CACNA2D3: variants seen among roughly 807,000 people sequenced by gnomAD.
CACNA2D3 encodes the protein voltage-dependent calcium channel subunit alpha-2/delta-3.
In CACNA2D3, 60 loss-of-function variants were observed where a neutral mutation model predicts 160.6. The observed-to-expected ratio is 0.37, with a 90% CI of 0.30 to 0.46. The LOEUF (loss-of-function observed/expected upper bound fraction) is 0.46, where lower values mean the gene tolerates loss of function less well. Ranked by LOEUF, CACNA2D3 falls within the 20% of genes least tolerant of loss-of-function variation. The pLI, the probability that CACNA2D3 is intolerant of heterozygous loss-of-function variation, is 1.00. For missense variants in CACNA2D3, 1,205 were observed against 1,365.0 expected (o/e 0.88, Z 1.85); for synonymous variants, 558 against 492.9 (o/e 1.13, Z -1.75).
chr3:54,902,891 C>A (rs1392433560), intron 27 of CACNA2D3, among the ~76,000 whole-genome samples: 2 of 152,140 alleles, frequency 1.3e-5, no homozygotes, highest in Non-Finnish European at 2.9e-5. Flanking sequence ...TTTAGCATAA[C>A]CCGTTTTTAT....
intron 2 of CACNA2D3, among the ~76,000 whole-genome samples, chr3:54,211,906 GA>G (rs377669445): frequency 6.6e-6 from 1 of 152,230 alleles, no homozygotes; most frequent in African/African-American, 2.4e-5. Context: ...TAAAAATGGA[GA>G]GCAAGGTGCA....
At chr3:54,702,886 T>G (rs541683645) in intron 11 of CACNA2D3, among the ~76,000 whole-genome samples, 1 of 152,300 alleles carries the variant, frequency 6.6e-6, no homozygotes, top group Admixed American at 6.5e-5. Flanking sequence ...CATCATGGAA[T>G]ACTACATAGC....
At chr3:54,726,568 A>G (rs1045167513) in intron 11 of CACNA2D3, among the ~76,000 whole-genome samples, 12 of 152,210 alleles carry the variant, frequency 7.9e-5, no homozygotes, top group African/African-American at 2.9e-4. Context: ...AAACAGAGAT[A>G]TAGACCAATG....
chr3:54,771,264 T>C (rs914258929), intron 13 of CACNA2D3, among the ~76,000 whole-genome samples: 1 of 152,226 alleles, frequency 6.6e-6, no homozygotes, highest in African/African-American at 2.4e-5. Context: ...ATCACCTGTA[T>C]GGCTCTGCTA....
chr3:54,277,885 T>C (rs1237585385), intron 2 of CACNA2D3, among the ~76,000 whole-genome samples: 1 of 152,150 alleles, frequency 6.6e-6, no homozygotes, highest in Non-Finnish European at 1.5e-5. Context: ...ATTCTCTTTG[T>C]AGCAATTGTG....
In CACNA2D3 at chr3:54,591,397, AC is replaced by A. The variant is rs760735654; in HGVS notation, c.963+9522del. 5.9e-5 allele frequency among the ~76,000 whole-genome samples: 9 copies of A among 151,984 alleles called. No homozygotes were observed. The East Asian group carries it at 1.5e-3, about 26-fold the overall frequency. The stretch of plus-strand genomic sequence containing the variant: ...TCAGCAGCCTGGTTCAGGTGCCTAT[AC>A]CTGTGGCTGAGAGGCAGGCCTTTGC... On this transcript the variant is annotated intron_variant, in intron 9 of 37. Transcript: ENST00000474759.
chr3:54,918,629 T>C (rs1456257719), intron 27 of CACNA2D3: 3 of 1,614,064 alleles, frequency 1.9e-6, no homozygotes, highest in Non-Finnish European at 1.7e-6. Flanking sequence ...CCAGTGATGA[T>C]GACAGTGGCA....
rs150316051 is a variant in CACNA2D3, at chr3:54,957,074, A to G, written c.2450-11376A>G. ...CTAGCAGACACCTGGCACATACTAG[A>G]GGGCTTCATAAATGGGATTAATTAT... is the stretch of plus-strand genomic sequence containing the variant. On this transcript the variant is annotated intron_variant, in intron 27 of 37. Transcript: ENST00000474759. Among the ~76,000 whole-genome samples, 149 of 152,340 alleles carry G rather than the reference A, an allele frequency of 9.8e-4. 2 individuals carry two copies. In the East Asian group the frequency reaches 0.027, roughly 28 times the overall value.
chr3:54,276,592 A>G (rs1416742747), intron 2 of CACNA2D3, among the ~76,000 whole-genome samples: 3 of 122,428 alleles, frequency 2.5e-5, no homozygotes, highest in Non-Finnish European at 5.4e-5. Context: ...AAAAAAAAAG[A>G]AGAAGAAGAA....
chr3:54,236,513 C>G (rs1701879371), intron 2 of CACNA2D3, among the ~76,000 whole-genome samples: 1 of 152,024 alleles, frequency 6.6e-6, no homozygotes, highest in Non-Finnish European at 1.5e-5. Flanking sequence ...GAATTATTGT[C>G]ACTTTTGACT....
In CACNA2D3 at chr3:54,847,018, G is replaced by C. The variant is rs533292492; in HGVS notation, c.1626+551G>C. On this transcript the variant is annotated intron_variant, in intron 17 of 37. Coordinates refer to ENST00000474759, the MANE Select transcript of CACNA2D3 (RefSeq NM_018398.3). ...CTGTTTCCTGCCTATGTCATATCCA[G>C]TAGCATTGCTTGGTGAACTGATATG... Among the ~76,000 whole-genome samples the C allele has an allele frequency of 1.2e-3, 190 of 152,338 alleles. 1 individual carries two copies. Among genetic ancestry groups the C allele is most frequent in the Non-Finnish European group, 2.3e-3 (157 of 68,032 alleles).
intron 2 of CACNA2D3, chr3:54,272,750 A>G (rs1347357468): frequency 2.0e-5 from 3 of 152,106 alleles, no homozygotes; most frequent in Non-Finnish European, 4.4e-5. Context: ...TTTATTCATC[A>G]GAAAGAAGGC....
intron 21 of CACNA2D3, 140 bp from the exon 22 acceptor site, chr3:54,885,141 A>G: frequency 1.4e-6 from 1 of 739,188 alleles, no homozygotes; most frequent in Non-Finnish European, 2.3e-6. Context: ...CAGAAAATAA[A>G]CCTGCTGCTC....
At chr3:54,937,733 C>T (rs111827646) in intron 27 of CACNA2D3, among the ~76,000 whole-genome samples, 190 of 151,944 alleles carry the variant, frequency 1.3e-3, no homozygotes, top group African/African-American at 4.4e-3. Flanking sequence ...GGGGAAGAGA[C>T]GAGGGCCATT....
intron 31 of CACNA2D3, among the ~76,000 whole-genome samples, chr3:54,992,780 G>GA (rs5849065): frequency 0.2 from 28,107 of 137,170 alleles, 2,989 homozygotes; most frequent in African/African-American, 0.28. Context: ...TGAACAACAA[G>GA]AAAAAAAAAA....
At position 54,160,335 on chromosome 3, in the gene CACNA2D3, C is replaced by A. The variant is rs573861697; in HGVS notation, c.204+36741C>A. 3.4e-4 allele frequency among the ~76,000 whole-genome samples: 52 copies of A among 152,208 alleles called. 2 individuals are homozygous for A. In the South Asian group the frequency reaches 6.2e-3, roughly 18 times the overall value. On this transcript the variant is annotated intron_variant, in intron 2 of 37. Transcript: ENST00000474759. ...CCAACATGGCAAAACCCTATCTCTA[C>A]TAAAAATACAAAAATTTAGCTGGGT... is the stretch of plus-strand genomic sequence containing the variant.
chr3:54,431,277 C>T (rs990848887), intron 4 of CACNA2D3, among the ~76,000 whole-genome samples: 5 of 148,552 alleles, frequency 3.4e-5, no homozygotes, highest in African/African-American at 1.2e-4. Context: ...GCCGAGGTTG[C>T]AGTGAGCTGA....
chr3:54,811,026 C>T (rs766917758), intron 13 of CACNA2D3, among the ~76,000 whole-genome samples: 2 of 152,120 alleles, frequency 1.3e-5, no homozygotes, highest in Admixed American at 6.5e-5. Flanking sequence ...GGGATGTCCC[C>T]GATTGAGTCC....
At chr3:54,600,996 C>T (rs956068371) in intron 9 of CACNA2D3, among the ~76,000 whole-genome samples, 1 of 152,116 alleles carries the variant, frequency 6.6e-6, no homozygotes, top group Non-Finnish European at 1.5e-5. Flanking sequence ...CAAAGTCTTG[C>T]AATCGGAATT....
Sources: allele counts gnomAD v4.1 joint callset (sites outside exome capture counted in the v4.1 genomes callset), GRCh38; gene constraint gnomAD v4.1.1; transcripts MANE v1.5; gene names NCBI Gene and HGNC (gene_info 2026-07-23, HGNC 2026-07-21).